Variants in AKR7A2 observed in about 807,000 individuals in gnomAD.
The protein encoded by AKR7A2 is aflatoxin B1 aldehyde reductase member 2.
In AKR7A2, 29 loss-of-function variants were observed where a neutral mutation model predicts 37.3. The ratio of observed to expected loss-of-function variants is 0.78; its 90% CI spans 0.58 to 1.06. AKR7A2 has a LOEUF of 1.06. Ranked by LOEUF, AKR7A2 falls within the 50% of genes least tolerant of loss-of-function variation. The pLI is 0.00. For synonymous variants in AKR7A2, 228 were observed against 217.8 expected (o/e 1.05, Z -0.41); for missense variants, 529 against 497.9 (o/e 1.06, Z -0.59).
At chr1:19,303,114 T>C (rs546023144), downstream of AKR7A2, among the ~76,000 whole-genome samples, 7 of 149,198 alleles carry the variant, frequency 4.7e-5, no homozygotes, top group South Asian at 1.5e-3. Context: ...GGTGACAACA[T>C]AGGGAGATCT....
At chr1:19,303,250 G>A (rs2093755417), downstream of AKR7A2, among the ~76,000 whole-genome samples, 1 of 152,238 alleles carries the variant, frequency 6.6e-6, no homozygotes, top group African/African-American at 2.4e-5. Flanking sequence ...CTAGGTGACA[G>A]AGCAAGAGCC....
chr1:19,304,760 ACT>A (rs1415557910), intron 6 of AKR7A2, among the ~76,000 whole-genome samples: 1 of 152,010 alleles, frequency 6.6e-6, no homozygotes, highest in East Asian at 1.9e-4. Context: ...ACAGAGAGAG[ACT>A]CTGTCTCTAC....
At chr1:19,305,246 C>G (rs2093759561) in intron 6 of AKR7A2, 1 of 153,840 alleles carries the variant, frequency 6.5e-6, no homozygotes, top group African/African-American at 2.4e-5. Flanking sequence ...AACACAGCTC[C>G]CACGTACTGA....
At chr1:19,307,185 G>A in intron 4 of AKR7A2, 84 bp from the exon 5 acceptor site, 2 of 1,592,548 alleles carry the variant, frequency 1.3e-6, no homozygotes, top group Non-Finnish European at 8.6e-7. Context: ...TAGGGGAGGG[G>A]CAGGGACCCA....
rs199568440 is a variant in AKR7A2 at position 19,308,468 on chromosome 1, C to T, written c.473G>A (p.Arg158Gln). The change falls in exon 2 of 7, where the codon CGG (arginine) becomes CAG (glutamine). Residue 158 changes from arginine to glutamine, a missense_variant. Transcript: ENST00000235835. ...PVEETLHACQ[R>Q]LHQEGKFVEL... ...GGGCCCCCTCACCTCCTGGTGCAGC[C>T]GCTGGCAGGCATGCAGCGTCTCTTC... 2.5e-6 allele frequency: 4 copies of T among 1,613,860 alleles called. No individual in the cohort carries two copies. Among genetic ancestry groups the T allele is most frequent in the Admixed American group, 1.7e-5 (1 of 60,028 alleles).
Position 19,304,163 on chromosome 1 carries a change from G to C in AKR7A2, c.*62C>G. The C allele has an allele frequency of 6.2e-7, 1 of 1,613,116 alleles. No individual in the cohort carries two copies. Among genetic ancestry groups the C allele is most frequent in the South Asian group, 1.1e-5 (1 of 91,066 alleles). On this transcript the variant is annotated 3_prime_UTR_variant, in exon 7 of 7. Coordinates refer to ENST00000235835, the MANE Select transcript of AKR7A2 (RefSeq NM_003689.4). ...CTAAGTCAGCTTAAGGCCAAGACTG[G>C]TCAGTGTGAGAGAACAAAAGAGGTG...
Position 19,304,347 on chromosome 1 carries a change from G to C in AKR7A2, c.958C>G (p.Leu320Val). The C allele has an allele frequency of 6.2e-7, 1 of 1,614,180 alleles. No individual in the cohort carries two copies. The highest frequency in any genetic ancestry group is 8.5e-7 in the Non-Finnish European group (1 of 1,180,040). ...GDAVILGMSS[L>V]EQLEQNLAAT... is the part of the protein sequence containing the mutation. ...GCCAAGTTCTGCTCCAGCTGCTCCA[G>C]GCTGGACATGCCCAGGATGACCGCG... The change falls in exon 7 of 7, where the codon CTG becomes GTG. Residue 320 changes from leucine to valine, a missense_variant. Transcript: ENST00000235835.
intron 6 of AKR7A2, among the ~76,000 whole-genome samples, chr1:19,305,627 C>T (rs1458239804): frequency 6.6e-6 from 1 of 152,200 alleles, no homozygotes; most frequent in East Asian, 1.9e-4. Context: ...GTGTGGGTCA[C>T]TGCCACTGAT....
downstream of AKR7A2, among the ~76,000 whole-genome samples, chr1:19,303,378 A>G (rs1569681875): frequency 6.6e-6 from 1 of 152,186 alleles, no homozygotes; most frequent in African/African-American, 2.4e-5. Context: ...GGCTGGAGGG[A>G]TTTTGGTGCA....
intron 6 of AKR7A2, 122 bp downstream of exon 6, chr1:19,305,896 T>C (rs964277404): frequency 6.6e-7 from 1 of 1,519,926 alleles, no homozygotes; most frequent in South Asian, 1.1e-5. Context: ...AGAGTGCTTA[T>C]GAGAATTGGA....
intron 5 of AKR7A2, among the ~76,000 whole-genome samples, chr1:19,306,684 G>A (rs1378468954): frequency 2.0e-5 from 3 of 151,444 alleles, no homozygotes; most frequent in East Asian, 2.0e-4. Flanking sequence ...CTCCCACTTC[G>A]GTGTCCCAAA....
At chr1:19,305,550 G>C (rs906113721) in intron 6 of AKR7A2, among the ~76,000 whole-genome samples, 11 of 152,130 alleles carry the variant, frequency 7.2e-5, no homozygotes, top group Non-Finnish European at 1.5e-4. Flanking sequence ...TTCTTGCCCA[G>C]GCTAGACTCA....
At chr1:19,311,314 T>A (rs577154525) in intron 1 of AKR7A2, among the ~76,000 whole-genome samples, 67 of 152,274 alleles carry the variant, frequency 4.4e-4, no homozygotes, top group Non-Finnish European at 8.5e-4. Flanking sequence ...CCCTGACCCG[T>A]CCGCACTCCC....
Position 19,312,103 on chromosome 1 carries a change from C to A in AKR7A2, c.22G>T (p.Val8Leu), listed in dbSNP as rs2093778540. ...CAGTGGACGGCGGCGCGGGAGACTA[C>A]GCGAGACGCGGCACTCAGCATAGCA... MLSAASR[V>L]VSRAAVHCAL... Residue 8 changes from valine (V) to leucine (L), a missense_variant, in exon 1 of 7, where the codon GTA becomes TTA. By Grantham distance (32) the Val-to-Leu change is conservative. Transcript: ENST00000235835. 1 of 1,328,490 alleles carries A rather than the reference C, an allele frequency of 7.5e-7. No individual in the cohort carries two copies. The highest frequency in any genetic ancestry group is 9.5e-7 in the Non-Finnish European group (1 of 1,048,724). The allele number at this position is 1,328,490 out of a possible 1,614,324, so 82.3% of individuals were successfully genotyped here.
At position 19,308,634 on chromosome 1, in the gene AKR7A2, CA is replaced by C; in HGVS notation, c.306del (p.Ile102MetfsTer13). ...CCATCCCAAGGGTTGGCCTTGGTGG[CA>C]ATTTTCACTTGGAGAGAGAATGGAA... ...GLGGGDCRVK[I>X]ATKANPWDGK... On this transcript the variant is annotated frameshift_variant, in exon 2 of 7. Coordinates refer to ENST00000235835, the MANE Select transcript of AKR7A2 (RefSeq NM_003689.4). LOFTEE classifies it high-confidence loss of function. 1 of 1,614,084 alleles carries C rather than the reference CA, an allele frequency of 6.2e-7. No homozygotes were observed. Among genetic ancestry groups the C allele is most frequent in the Non-Finnish European group, 8.5e-7 (1 of 1,180,002 alleles).
rs1410112382 is a variant in AKR7A2 at position 19,311,997 on chromosome 1, C to A, written c.128G>T (p.Gly43Val). Residue 43 changes from glycine to valine, a missense_variant, in exon 1 of 7, where the codon GGC (glycine) becomes GTC (valine). Physicochemically the swap from Gly to Val is moderately radical, Grantham distance 109. Coordinates refer to ENST00000235835, the MANE Select transcript of AKR7A2 (RefSeq NM_003689.4). ...CATGCGGCGCCCCATCTCCATGGTG[C>A]CCAGCACCGAGGCGACCCGCGGTGG... ...PPPPRVASVL[G>V]TMEMGRRMDA... The A allele has an allele frequency of 3.9e-6, 6 of 1,530,984 alleles. No individual in the cohort carries two copies. The highest frequency in any genetic ancestry group is 1.2e-5 in the South Asian group (1 of 82,616). The allele number at this position is 1,530,984 out of a possible 1,614,324, so 94.8% of individuals were successfully genotyped here.
intron 1 of AKR7A2, among the ~76,000 whole-genome samples, chr1:19,311,594 G>C (rs1055561096): frequency 1.3e-5 from 2 of 152,072 alleles, no homozygotes; most frequent in African/African-American, 4.8e-5. Flanking sequence ...GACCAGGCTG[G>C]GGGGAGACTC....
At chr1:19,307,189 G>A in intron 4 of AKR7A2, 88 bp from the exon 5 acceptor site, 1 of 1,591,864 alleles carries the variant, frequency 6.3e-7, no homozygotes, top group Non-Finnish European at 8.6e-7. Flanking sequence ...GGAGGGGCAG[G>A]GACCCAGGAG....
Position 19,308,526 on chromosome 1 carries a change from A to T in AKR7A2, c.415T>A (p.Tyr139Asn). The T allele has an allele frequency of 6.2e-7, 1 of 1,614,192 alleles. No homozygotes were observed. The highest frequency in any genetic ancestry group is 8.5e-7 in the Non-Finnish European group (1 of 1,180,032). ...RLQCPQVDLF[Y>N]LHAPDHGTPV... ...GTGCCGTGGTCAGGTGCGTGTAGGT[A>T]GAAGAGGTCCACTTGGGGACACTGC... The change falls in exon 2 of 7, where the codon TAC (tyrosine) becomes AAC (asparagine). Residue 139 changes from tyrosine (Y) to asparagine (N), a missense_variant. Coordinates refer to ENST00000235835, the MANE Select transcript of AKR7A2 (RefSeq NM_003689.4).
Sources: allele counts gnomAD v4.1 joint callset (sites outside exome capture counted in the v4.1 genomes callset), GRCh38; gene constraint gnomAD v4.1.1; transcripts MANE v1.5; gene names NCBI Gene and HGNC (gene_info 2026-07-23, HGNC 2026-07-21).